The following AIM2 variants were observed in gnomAD, a reference collection of about 807,000 sequenced individuals.
AIM2 encodes the protein absent in melanoma 2.
Under a neutral mutation model 27.7 loss-of-function variants are expected in AIM2, and 30 were observed. That is an observed-to-expected ratio of 1.08 (90% CI 0.81 to 1.47). The LOEUF is 1.47. AIM2 is among the 40% of genes most tolerant of loss of function. AIM2 has a pLI of 0.00. For synonymous variants in AIM2, 141 were observed against 145.3 expected (o/e 0.97, Z 0.21); for missense variants, 358 against 411.3 (o/e 0.87, Z 1.12).
chr1:159,095,129 T>G (rs1230940370), intron 1 of AIM2, among the ~76,000 whole-genome samples: 1 of 152,196 alleles, frequency 6.6e-6, no homozygotes, highest in East Asian at 1.9e-4. Flanking sequence ...AGAAATCCCT[T>G]CAGATCATTT....
At chr1:159,105,596 T>C (rs1023920373) in intron 1 of AIM2, among the ~76,000 whole-genome samples, 5 of 152,132 alleles carry the variant, frequency 3.3e-5, no homozygotes, top group Non-Finnish European at 5.9e-5. Flanking sequence ...GTAGCTCCTA[T>C]ACACAGGCAG....
At chr1:159,102,969 G>A (rs747516271) in intron 1 of AIM2, among the ~76,000 whole-genome samples, 8 of 152,200 alleles carry the variant, frequency 5.3e-5, no homozygotes, top group Non-Finnish European at 1.0e-4. Flanking sequence ...CAAACATGAG[G>A]ACATGAGATT....
At chr1:159,084,118 T>G (rs1195643642) in intron 1 of AIM2, among the ~76,000 whole-genome samples, 1 of 152,230 alleles carries the variant, frequency 6.6e-6, no homozygotes, top group Non-Finnish European at 1.5e-5. Flanking sequence ...GTTAAGTCAT[T>G]TGCTCAAGGG....
chr1:159,073,633 TAA>T, intron 1 of AIM2, 114 bp from the exon 2 acceptor site: 2 of 1,091,610 alleles, frequency 1.8e-6, no homozygotes, highest in Non-Finnish European at 2.6e-6. Flanking sequence ...TTTGCAGTAG[TAA>T]AAGAGATTTG....
chr1:159,128,186 T>C (rs1361171721), intron 1 of AIM2, among the ~76,000 whole-genome samples: 1 of 151,834 alleles, frequency 6.6e-6, no homozygotes, highest in Non-Finnish European at 1.5e-5. Context: ...AGGAGTGTGA[T>C]AATAAAAAAT....
chr1:159,067,890 G>A (rs1656176914), intron 3 of AIM2, among the ~76,000 whole-genome samples: 1 of 152,066 alleles, frequency 6.6e-6, no homozygotes, highest in East Asian at 1.9e-4. Context: ...CAGGACTAAA[G>A]TAATCATTCT....
chr1:159,145,051 T>G (rs1648177471), upstream of AIM2, among the ~76,000 whole-genome samples: 1 of 152,122 alleles, frequency 6.6e-6, no homozygotes, highest in South Asian at 2.1e-4. Flanking sequence ...TATACCATCT[T>G]CTCATGTTCC....
intron 2 of AIM2, 103 bp downstream of exon 2, chr1:159,073,135 T>C: frequency 7.0e-7 from 1 of 1,430,156 alleles, no homozygotes; most frequent in Non-Finnish European, 9.6e-7. Context: ...GCAAACAAAT[T>C]CCAACAATGT....
intron 1 of AIM2, among the ~76,000 whole-genome samples, chr1:159,120,451 C>T (rs1281783306): frequency 6.6e-6 from 1 of 152,178 alleles, no homozygotes; most frequent in Admixed American, 6.5e-5. Flanking sequence ...CCTTCTGTGA[C>T]TGCCTGTGTC....
chr1:159,093,860 C>T (rs975547674), intron 1 of AIM2, among the ~76,000 whole-genome samples: 2 of 151,310 alleles, frequency 1.3e-5, no homozygotes, highest in Admixed American at 6.6e-5. Flanking sequence ...CTCAGCCTCC[C>T]GAGTAGCTGG....
chr1:159,113,212 G>A (rs1657619366), intron 1 of AIM2, among the ~76,000 whole-genome samples: 1 of 152,094 alleles, frequency 6.6e-6, no homozygotes, highest in African/African-American at 2.4e-5. Context: ...CCAAAGTGCT[G>A]GGATTACAGA....
chr1:159,145,812 T>C (rs143807804), intron 1 of AIM2, among the ~76,000 whole-genome samples: 1 of 152,290 alleles, frequency 6.6e-6, no homozygotes, highest in African/African-American at 2.4e-5. Context: ...GGAAGCCATT[T>C]AAAGAGTTCT....
chr1:159,060,440 A>G (rs1369048409), downstream of AIM2, among the ~76,000 whole-genome samples: 3 of 152,216 alleles, frequency 2.0e-5, no homozygotes, highest in Non-Finnish European at 2.9e-5. Flanking sequence ...ATCTACAAAC[A>G]ATCATACTTA....
intron 3 of AIM2, among the ~76,000 whole-genome samples, chr1:159,067,098 A>G (rs1328948564): frequency 6.6e-6 from 1 of 152,254 alleles, no homozygotes; most frequent in Admixed American, 6.5e-5. Flanking sequence ...AAAATGCTTT[A>G]GAGAAATATG....
At chr1:159,064,825 C>A (rs1223849156) in intron 4 of AIM2, among the ~76,000 whole-genome samples, 1 of 152,080 alleles carries the variant, frequency 6.6e-6, no homozygotes, top group African/African-American at 2.4e-5. Context: ...AAGACCCAGC[C>A]AAGAGTCTAG....
the AIM2 span, among the ~76,000 whole-genome samples, chr1:159,055,676 C>G: frequency 6.6e-6 from 1 of 152,180 alleles, no homozygotes; most frequent in Non-Finnish European, 1.5e-5. Flanking sequence ...CTAGGAAGAG[C>G]TGCATTAGGC....
At chr1:159,117,809 G>A (rs368587450) in intron 1 of AIM2, among the ~76,000 whole-genome samples, 2 of 151,988 alleles carry the variant, frequency 1.3e-5, no homozygotes, top group South Asian at 4.2e-4. Flanking sequence ...GCAGTGTCTT[G>A]CTTCATTTTG....
intron 1 of AIM2, among the ~76,000 whole-genome samples, chr1:159,146,734 C>T (rs988989320): frequency 1.3e-5 from 2 of 152,140 alleles, no homozygotes; most frequent in East Asian, 1.9e-4. Flanking sequence ...GTCTCTGCCC[C>T]CCTTAGCCAT....
At chr1:159,139,232 G>T (rs112982923) in intron 1 of AIM2, among the ~76,000 whole-genome samples, 47 of 152,250 alleles carry the variant, frequency 3.1e-4, no homozygotes, top group African/African-American at 1.1e-3. Flanking sequence ...AGGCACAGAG[G>T]GACCACATGC....
Sources: gnomAD v4.1 joint callset for allele counts (sites outside exome capture counted in the v4.1 genomes callset) on GRCh38, gnomAD v4.1.1 for gene constraint, MANE v1.5 for transcripts, NCBI Gene and HGNC (gene_info 2026-07-23, HGNC 2026-07-21) for gene names.